Variants in ARMH3 observed in about 807,000 individuals in gnomAD.
The protein encoded by ARMH3 is armadillo like helical domain containing 3.
In ARMH3, 60 loss-of-function variants were observed where a neutral mutation model predicts 99.1. That is an observed-to-expected ratio of 0.61 (90% CI 0.49 to 0.75). ARMH3 has a LOEUF of 0.75. Ranked by LOEUF, ARMH3 falls within the 30% of genes least tolerant of loss-of-function variation. The probability of loss-of-function intolerance (pLI) is 0.00; values close to 1 mark genes in which losing one functional copy is unlikely to be tolerated. For missense variants in ARMH3, 679 were observed against 843.1 expected, an observed-to-expected ratio of 0.81 and a Z score of 2.41; for synonymous variants, 285 against 292.8, an observed-to-expected ratio of 0.97 and a Z score of 0.27.
chr10:101,852,554 G>A (rs181670555), intron 24 of ARMH3, among the ~76,000 whole-genome samples: 3 of 152,276 alleles, frequency 2.0e-5, no homozygotes, highest in African/African-American at 4.8e-5. Flanking sequence ...TCAGGAGTTC[G>A]AGACCAGCTT....
At chr10:101,868,805 CT>C (rs2067066150) in intron 24 of ARMH3, among the ~76,000 whole-genome samples, 1 of 152,208 alleles carries the variant, frequency 6.6e-6, no homozygotes, top group Non-Finnish European at 1.5e-5. Flanking sequence ...GGCACGGTGG[CT>C]CACGCCTATA....
intron 23 of ARMH3, among the ~76,000 whole-genome samples, chr10:101,896,381 A>G (rs79702804): frequency 0.012 from 1,879 of 152,356 alleles, 50 homozygotes; most frequent in East Asian, 0.11. Context: ...AATTTGTAGA[A>G]GCAGAAAGTA....
At chr10:101,960,927 G>C (rs750776842) in intron 20 of ARMH3, among the ~76,000 whole-genome samples, 2 of 150,802 alleles carry the variant, frequency 1.3e-5, no homozygotes, top group African/African-American at 4.9e-5. Context: ...AACAAATAAA[G>C]GTGCGAGATC....
At chr10:101,887,592 C>CTTTT (rs34624064) in intron 24 of ARMH3, among the ~76,000 whole-genome samples, 506 of 96,932 alleles carry the variant, frequency 5.2e-3, no homozygotes, top group Non-Finnish European at 7.6e-3. Context: ...CTCTCTCTCT[C>CTTTT]TTTTTTTTTT....
intron 23 of ARMH3, among the ~76,000 whole-genome samples, chr10:101,923,760 C>A (rs1043975453): frequency 6.6e-6 from 1 of 152,100 alleles, no homozygotes; most frequent in Admixed American, 6.6e-5. Flanking sequence ...CCCTCTGTTG[C>A]GGTTTTGGGA....
At chr10:102,042,664 C>T (rs568520842) in intron 1 of ARMH3, among the ~76,000 whole-genome samples, 4 of 152,228 alleles carry the variant, frequency 2.6e-5, no homozygotes, top group Non-Finnish European at 5.9e-5. Flanking sequence ...GTCTTCTCCT[C>T]CTGCCAGCAC....
At chr10:102,019,751 C>T (rs2066835807) in intron 8 of ARMH3, among the ~76,000 whole-genome samples, 1 of 151,626 alleles carries the variant, frequency 6.6e-6, no homozygotes, top group African/African-American at 2.4e-5. Context: ...CATGGTGAAA[C>T]CCCGTCTCTA....
At chr10:101,981,582 A>T (rs1417186086) in intron 19 of ARMH3, among the ~76,000 whole-genome samples, 1 of 152,224 alleles carries the variant, frequency 6.6e-6, no homozygotes, top group Admixed American at 6.5e-5. Context: ...TCCGAATAAT[A>T]AGCCTCCATT....
intron 12 of ARMH3, 71 bp from the exon 13 acceptor site, chr10:102,009,520 T>C (rs2066582602): frequency 7.9e-7 from 1 of 1,268,510 alleles, no homozygotes; most frequent in Non-Finnish European, 1.1e-6. Flanking sequence ...ACCATGAAGA[T>C]AAGATTGGAT....
chr10:102,005,475 C>T (rs754980081), intron 14 of ARMH3, among the ~76,000 whole-genome samples: 8 of 151,924 alleles, frequency 5.3e-5, no homozygotes, highest in African/African-American at 1.5e-4. Flanking sequence ...AACAATGGCA[C>T]CTCCCTGTCA....
intron 17 of ARMH3, 137 bp downstream of exon 17, chr10:101,993,401 T>C: frequency 1.8e-6 from 1 of 567,210 alleles, no homozygotes. Context: ...CATGGGTCTG[T>C]TGAACAGCCG....
At chr10:101,921,157 CGTTTTTTAAAAGGATTGAACTACTGAT>C (rs1843292276) in intron 23 of ARMH3, among the ~76,000 whole-genome samples, 1 of 152,088 alleles carries the variant, frequency 6.6e-6, no homozygotes, top group South Asian at 2.1e-4. Context: ...ATCTTAAAAA[CGTTTTTTAAAAGGATTGAACTACTGAT>C]ATATACCACA....
intron 5 of ARMH3, among the ~76,000 whole-genome samples, chr10:102,028,305 T>C (rs1284493890): frequency 6.6e-6 from 1 of 152,036 alleles, no homozygotes; most frequent in Non-Finnish European, 1.5e-5. Flanking sequence ...TCTCAGCACT[T>C]TGGAAGGCTG....
At chr10:101,958,513 C>A (rs1845142783) in intron 20 of ARMH3, among the ~76,000 whole-genome samples, 2 of 152,154 alleles carry the variant, frequency 1.3e-5, no homozygotes, top group African/African-American at 4.8e-5. Context: ...TCACCTAGCA[C>A]ATTTTGTCCA....
intron 20 of ARMH3, among the ~76,000 whole-genome samples, chr10:101,970,380 C>T (rs1174816847): frequency 2.0e-5 from 3 of 152,222 alleles, no homozygotes; most frequent in Non-Finnish European, 4.4e-5. Flanking sequence ...ACATTAACAA[C>T]ATCCTACTGG....
intron 22 of ARMH3, among the ~76,000 whole-genome samples, chr10:101,948,161 G>A (rs1844633203): frequency 6.6e-6 from 1 of 152,074 alleles, no homozygotes; most frequent in African/African-American, 2.4e-5. Flanking sequence ...TTATCAGACT[G>A]GATAATAAAC....
chr10:102,012,078 C>G (rs889664870), intron 10 of ARMH3, among the ~76,000 whole-genome samples: 2 of 152,208 alleles, frequency 1.3e-5, no homozygotes, highest in Non-Finnish European at 2.9e-5. Context: ...CAATCTATTA[C>G]TTGAAAAGTG....
intron 23 of ARMH3, among the ~76,000 whole-genome samples, chr10:101,905,220 G>T (rs138945323): frequency 1.9e-4 from 29 of 152,280 alleles, no homozygotes; most frequent in African/African-American, 6.3e-4. Context: ...CAGGTCAGGT[G>T]ATGATTCTGG....
chr10:101,989,178 A>C (rs1264973320), intron 19 of ARMH3, among the ~76,000 whole-genome samples: 6 of 152,174 alleles, frequency 3.9e-5, no homozygotes, highest in African/African-American at 1.2e-4. Context: ...TGGGTGTTAA[A>C]GAGAAGAATG....
Sources: allele counts gnomAD v4.1 joint callset (sites outside exome capture counted in the v4.1 genomes callset), GRCh38; gene constraint gnomAD v4.1.1; transcripts MANE v1.5; gene names NCBI Gene and HGNC (gene_info 2026-07-23, HGNC 2026-07-21).